ABR: variants seen among roughly 807,000 people sequenced by gnomAD.
The protein encoded by ABR is active breakpoint cluster region-related protein.
In ABR, 35 loss-of-function variants were observed where a neutral mutation model predicts 107.2. The observed-to-expected ratio is 0.33, with a 90% CI of 0.25 to 0.43. ABR has a LOEUF of 0.43. Ranked by LOEUF, ABR falls within the 20% of genes least tolerant of loss-of-function variation. The pLI is 1.00. For synonymous variants in ABR, 498 were observed against 462.0 expected (o/e 1.08, Z -1.00); for missense variants, 815 against 1,115.2 (o/e 0.73, Z 3.83).
intron 1 of ABR, among the ~76,000 whole-genome samples, chr17:1,137,617 T>C (rs1408262745): frequency 6.6e-6 from 1 of 151,986 alleles, no homozygotes; most frequent in Non-Finnish European, 1.5e-5. Flanking sequence ...GTAACAGGTG[T>C]CATAACAATA....
In ABR at chr17:1,050,186, G is replaced by C; in HGVS notation, c.1660-5C>G. 2 of 1,610,882 alleles carry C rather than the reference G, an allele frequency of 1.2e-6. No homozygotes were observed. Among genetic ancestry groups the C allele is most frequent in the Non-Finnish European group, 8.5e-7 (1 of 1,179,112 alleles). Reference sequence around the variant, plus strand: ...CTCCAGCTCGATCTCAAACTCCTGGGGAAAGATGGGACAAAGGGCCCTGAA... The same window carrying C: ...CTCCAGCTCGATCTCAAACTCCTGGCGAAAGATGGGACAAAGGGCCCTGAA... On this transcript the variant is annotated splice_polypyrimidine_tract_variant and splice_region_variant and intron_variant, in intron 15 of 22. Transcript: ENST00000302538. This position sits in a 1 kb window ranked among gnomAD's most constrained non-coding sequence, Gnocchi z 4.6.
rs548023056 is a variant in ABR at position 1,031,900 on chromosome 17, G to GCGTCCCT, written c.1791+18143_1791+18149dup. On this transcript the variant is annotated intron_variant, in intron 16 of 22. Transcript: ENST00000302538. ...CTCCCCTCCCTCCCTCCCTCCGTCC[G>GCGTCCCT]CGTCCCTCCTCCCTCCTCCCTCCTC... 1,808 of 547,296 alleles carry GCGTCCCT rather than the reference G, an allele frequency of 3.3e-3. 30 individuals carry two copies. The African/African-American group carries it at 0.052, about 16-fold the overall frequency. The allele number at this position is 547,296 out of a possible 1,614,324, so 33.9% of individuals were successfully genotyped here.
intron 1 of ABR, among the ~76,000 whole-genome samples, chr17:1,130,386 A>T (rs1374873083): frequency 7.9e-6 from 1 of 126,506 alleles, no homozygotes; most frequent in African/African-American, 3.1e-5. Flanking sequence ...GCTCCTCCCC[A>T]CCCTCACCAA....
chr17:1,113,185 G>A (rs2038797928), intron 2 of ABR, among the ~76,000 whole-genome samples: 1 of 152,152 alleles, frequency 6.6e-6, no homozygotes. Context: ...GTCAAGGGAG[G>A]GGCAAGGCCG....
In ABR at chr17:1,018,606, C is replaced by T. The variant is rs2586247; in HGVS notation, c.1792-5442G>A. ...CAGGGGGACCTGGACACAACCTGGTCGGGGGGAGTGTGCAGGATTTGGAGG... is the reference window on the plus strand; with the variant it reads ...CAGGGGGACCTGGACACAACCTGGTTGGGGGGAGTGTGCAGGATTTGGAGG... On this transcript the variant is annotated intron_variant, in intron 16 of 22. Transcript: ENST00000302538. Among the ~76,000 whole-genome samples, 454 of 151,988 alleles carry T rather than the reference C, an allele frequency of 3.0e-3. 1 individual carries two copies. Among genetic ancestry groups the T allele is most frequent in the Non-Finnish European group, 4.6e-3 (311 of 67,966 alleles).
chr17:1,165,093 TAG>T (rs1284070173), intron 1 of ABR, among the ~76,000 whole-genome samples: 1 of 152,206 alleles, frequency 6.6e-6, no homozygotes, highest in Non-Finnish European at 1.5e-5. Context: ...CACAGCTCAC[TAG>T]AGCATAAATA....
chr17:1,057,220 C>A (rs534082846), intron 12 of ABR, 118 bp from the exon 13 acceptor site: 4 of 649,858 alleles, frequency 6.2e-6, no homozygotes, highest in African/African-American at 3.6e-5. Context: ...TTGGTCCTTG[C>A]GAGGGAGGGG....
intron 16 of ABR, among the ~76,000 whole-genome samples, chr17:1,034,301 C>G (rs1228027000): frequency 6.6e-6 from 1 of 152,076 alleles, no homozygotes; most frequent in Non-Finnish European, 1.5e-5. Flanking sequence ...GCTGCGTGCC[C>G]GACCCTGGGG....
chr17:1,221,582 C>T (rs2043120737), intron 1 of ABR, among the ~76,000 whole-genome samples: 1 of 152,166 alleles, frequency 6.6e-6, no homozygotes, highest in African/African-American at 2.4e-5. Flanking sequence ...TTGTCATATA[C>T]AGCAAACCCC....
chr17:1,042,607 G>GTA, intron 16 of ABR, among the ~76,000 whole-genome samples: 1 of 122,906 alleles, frequency 8.1e-6, no homozygotes, highest in Non-Finnish European at 1.7e-5. Flanking sequence ...ATGGATGGAC[G>GTA]AAGAGACGTG....
At chr17:1,193,593 G>A (rs1047131094) in intron 1 of ABR, among the ~76,000 whole-genome samples, 6 of 109,812 alleles carry the variant, frequency 5.5e-5, no homozygotes, top group African/African-American at 8.1e-5. Flanking sequence ...GATGCCGCCC[G>A]ACATTCACTC....
chr17:1,214,074 A>G (rs2042953944), intron 1 of ABR, among the ~76,000 whole-genome samples: 1 of 150,666 alleles, frequency 6.6e-6, no homozygotes, highest in South Asian at 2.1e-4. Flanking sequence ...TTTAGTAGAG[A>G]AGAGGTTTCA....
At chr17:1,034,128 GCC>G (rs2073003246) in intron 16 of ABR, among the ~76,000 whole-genome samples, 1 of 151,800 alleles carries the variant, frequency 6.6e-6, no homozygotes, top group Non-Finnish European at 1.5e-5. Flanking sequence ...CCACCACCAC[GCC>G]CGGCTAATTT....
chr17:1,088,653 T>G (rs1319851087), intron 4 of ABR, among the ~76,000 whole-genome samples: 4 of 152,010 alleles, frequency 2.6e-5, no homozygotes, highest in African/African-American at 9.7e-5. Flanking sequence ...TGGCACGATC[T>G]CGGCTCACTA....
intron 4 of ABR, among the ~76,000 whole-genome samples, chr17:1,085,997 T>G (rs542679682): frequency 6.6e-6 from 1 of 152,058 alleles, no homozygotes; most frequent in Non-Finnish European, 1.5e-5. Flanking sequence ...AGATACAAAA[T>G]TATCCGGGCG....
At chr17:1,105,621 C>T (rs2038196211) in intron 2 of ABR, among the ~76,000 whole-genome samples, 1 of 152,182 alleles carries the variant, frequency 6.6e-6, no homozygotes, top group Admixed American at 6.5e-5. Context: ...CTCCTGTAAT[C>T]CCAGCACTTT....
chr17:1,153,726 AGGGCTGGGGG>A (rs2040919161), intron 1 of ABR: 1 of 152,928 alleles, frequency 6.5e-6, no homozygotes, highest in Non-Finnish European at 1.3e-5. Context: ...CACCTACGGG[AGGGCTGGGGG>A]TCCAGGCACA....
chr17:1,054,281 C>T (rs1360485523), intron 14 of ABR, among the ~76,000 whole-genome samples: 2 of 152,178 alleles, frequency 1.3e-5, no homozygotes, highest in East Asian at 1.9e-4. Flanking sequence ...TCCAGGTGCA[C>T]GGTAGGTGCT....
intron 16 of ABR, among the ~76,000 whole-genome samples, chr17:1,034,301 C>T (rs1228027000): frequency 1.3e-5 from 2 of 152,076 alleles, no homozygotes; most frequent in South Asian, 2.1e-4. Flanking sequence ...GCTGCGTGCC[C>T]GACCCTGGGG....
Sources: allele counts gnomAD v4.1 joint callset (sites outside exome capture counted in the v4.1 genomes callset), GRCh38; gene constraint gnomAD v4.1.1; non-coding constraint Gnocchi (gnomAD v3.1); transcripts MANE v1.5; gene names NCBI Gene and HGNC (gene_info 2026-07-23, HGNC 2026-07-21).